The following CTNNA3 variants were observed in gnomAD, a reference collection of about 807,000 sequenced individuals.
CTNNA3 encodes the protein catenin alpha-3.
In CTNNA3, 76 loss-of-function variants were observed where a neutral mutation model predicts 95.7. The ratio of observed to expected loss-of-function variants is 0.79; its 90% confidence interval spans 0.66 to 0.96. The LOEUF is 0.96. Ranked by LOEUF, CTNNA3 falls within the 40% of genes least tolerant of loss-of-function variation. The pLI is 0.00. For synonymous variants in CTNNA3, 431 were observed against 374.4 expected (o/e 1.15, Z -1.74); for missense variants, 1,191 against 1,089.8 (o/e 1.09, Z -1.31).
chr10:67,103,608 G>T (rs958609633), intron 7 of CTNNA3, among the ~76,000 whole-genome samples: 2 of 151,596 alleles, frequency 1.3e-5, no homozygotes, highest in African/African-American at 2.4e-5. Flanking sequence ...TAAATAATTT[G>T]CCAAGGCTCA....
At chr10:66,866,975 T>C (rs1470631046) in intron 7 of CTNNA3, among the ~76,000 whole-genome samples, 1 of 152,072 alleles carries the variant, frequency 6.6e-6, no homozygotes, top group Non-Finnish European at 1.5e-5. Context: ...ATAAGTCTCA[T>C]GAGATCTGAT....
At chr10:66,164,508 T>A (rs1488751959) in intron 13 of CTNNA3, among the ~76,000 whole-genome samples, 1 of 151,824 alleles carries the variant, frequency 6.6e-6, no homozygotes. Context: ...GAATTGGACA[T>A]ATGGACACTG....
chr10:67,722,984 TC>T (rs1412328529), intron 1 of CTNNA3, among the ~76,000 whole-genome samples: 1 of 127,508 alleles, frequency 7.8e-6, no homozygotes, highest in Non-Finnish European at 1.5e-5. Context: ...ATCTTTCAGC[TC>T]TTTTTTTTTT....
intron 11 of CTNNA3, among the ~76,000 whole-genome samples, chr10:66,498,940 C>T (rs776040962): frequency 4.1e-4 from 63 of 152,266 alleles, no homozygotes; most frequent in Admixed American, 1.2e-3. Flanking sequence ...CTGTAAAAAT[C>T]ATATACAAGT....
At chr10:67,141,167 T>C (rs1860542777) in intron 7 of CTNNA3, among the ~76,000 whole-genome samples, 1 of 152,182 alleles carries the variant, frequency 6.6e-6, no homozygotes, top group African/African-American at 2.4e-5. Flanking sequence ...GTTTTTGTAG[T>C]TAGCTCTGTC....
At chr10:66,395,780 T>A (rs2092970913) in intron 11 of CTNNA3, among the ~76,000 whole-genome samples, 1 of 152,036 alleles carries the variant, frequency 6.6e-6, no homozygotes, top group Non-Finnish European at 1.5e-5. Context: ...TTCTTGATAC[T>A]CTCTGTAATT....
At chr10:67,343,320 A>C (rs1339565538) in intron 5 of CTNNA3, among the ~76,000 whole-genome samples, 2 of 152,182 alleles carry the variant, frequency 1.3e-5, no homozygotes, top group Non-Finnish European at 2.9e-5. Flanking sequence ...TAGGGATTGC[A>C]TTAAATATAT....
intron 7 of CTNNA3, among the ~76,000 whole-genome samples, chr10:66,899,704 T>A (rs1281438046): frequency 6.6e-6 from 1 of 152,106 alleles, no homozygotes; most frequent in East Asian, 1.9e-4. Flanking sequence ...TTCCCTCCCA[T>A]GTCTGGCTCA....
At chr10:66,446,450 G>A (rs2093422086) in intron 11 of CTNNA3, among the ~76,000 whole-genome samples, 1 of 151,778 alleles carries the variant, frequency 6.6e-6, no homozygotes, top group Non-Finnish European at 1.5e-5. Flanking sequence ...ACCGAATCCA[G>A]CAGCACATCA....
intron 13 of CTNNA3, among the ~76,000 whole-genome samples, chr10:66,117,848 T>C (rs2082403857): frequency 2.0e-5 from 3 of 152,224 alleles, no homozygotes; most frequent in Admixed American, 1.3e-4. Flanking sequence ...TATGGAGCTA[T>C]CCTAAGTAAG....
intron 1 of CTNNA3, among the ~76,000 whole-genome samples, chr10:67,731,848 A>ATTAGTT (rs1401894348): frequency 4.0e-5 from 6 of 148,868 alleles, no homozygotes; most frequent in African/African-American, 1.5e-4. Flanking sequence ...GGTTCACATC[A>ATTAGTT]TTAGTTTTTG....
chr10:66,917,617 T>C (rs1469149926), intron 7 of CTNNA3, among the ~76,000 whole-genome samples: 2 of 152,338 alleles, frequency 1.3e-5, no homozygotes, highest in East Asian at 3.9e-4. Flanking sequence ...GCTGTTTCTT[T>C]ATCAAAATCA....
chr10:66,981,703 G>C (rs1264611642), intron 7 of CTNNA3, among the ~76,000 whole-genome samples: 1 of 152,174 alleles, frequency 6.6e-6, no homozygotes. Context: ...CAAATGGATG[G>C]AACCTATTAA....
chr10:66,928,042 C>T (rs1380228105), intron 7 of CTNNA3: 3 of 1,613,940 alleles, frequency 1.9e-6, no homozygotes, highest in Non-Finnish European at 2.5e-6. Context: ...CAGGGCTCTC[C>T]CAAAGCCGAC....
chr10:67,255,684 G>A (rs1166939939), intron 5 of CTNNA3, among the ~76,000 whole-genome samples: 1 of 152,124 alleles, frequency 6.6e-6, no homozygotes, highest in Non-Finnish European at 1.5e-5. Context: ...TTAATCCAAA[G>A]TATTTTAGCT....
intron 6 of CTNNA3, among the ~76,000 whole-genome samples, chr10:67,197,818 A>G (rs188789187): frequency 3.3e-5 from 5 of 152,296 alleles, no homozygotes; most frequent in Non-Finnish European, 7.4e-5. Context: ...GCTTAAGAAA[A>G]AAAAATTGCT....
intron 12 of CTNNA3, among the ~76,000 whole-genome samples, chr10:66,346,284 G>A (rs1395641600): frequency 7.1e-6 from 1 of 140,060 alleles, no homozygotes; most frequent in Admixed American, 7.2e-5. Context: ...GAGAGAGAGA[G>A]AGAAAGAGAG....
intron 4 of CTNNA3, among the ~76,000 whole-genome samples, chr10:67,524,465 TATGCCC>T (rs1840082752): frequency 7.0e-6 from 1 of 141,920 alleles, no homozygotes; most frequent in Non-Finnish European, 1.5e-5. Context: ...CTTCAGGTAA[TATGCCC>T]ATGGCCAAAG....
In CTNNA3 at chr10:67,629,380, C is replaced by T. The variant is rs1175016264; in HGVS notation, c.99+18035G>A. Among the ~76,000 whole-genome samples the T allele has an allele frequency of 2.6e-5, 4 of 151,436 alleles. No individual in the cohort carries two copies. In the East Asian group the frequency reaches 7.8e-4, roughly 29 times the overall value. On this transcript the variant is annotated intron_variant, in intron 2 of 17. Transcript: ENST00000433211. ...TGTTCATTTCCAGTTTCCCAGAGTA[C>T]CACCAGCAGCAGTCACCATCCACCA...
Sources: allele counts gnomAD v4.1 joint callset (sites outside exome capture counted in the v4.1 genomes callset), GRCh38; gene constraint gnomAD v4.1.1; transcripts MANE v1.5; gene names NCBI Gene and HGNC (gene_info 2026-07-23, HGNC 2026-07-21).